The following EXPH5 variants were observed in gnomAD, a reference collection of about 807,000 sequenced individuals.
EXPH5 encodes exophilin 5.
Under a neutral mutation model 41.1 loss-of-function variants are expected in EXPH5, and 42 were observed. The ratio of observed to expected loss-of-function variants is 1.02; its 90% CI spans 0.80 to 1.32. The LOEUF (loss-of-function observed/expected upper bound fraction) is 1.32. Among genes scored for constraint, EXPH5 ranks in the 40% most tolerant of loss-of-function variants. The pLI is 0.00. For missense variants in EXPH5, 2,298 were observed against 2,314.5 expected, an observed-to-expected ratio of 0.99 and a Z score of 0.15; for synonymous variants, 798 against 833.5, an observed-to-expected ratio of 0.96 and a Z score of 0.73.
At chr11:108,572,611 T>A (rs2094064479) in intron 1 of EXPH5, among the ~76,000 whole-genome samples, 1 of 152,254 alleles carries the variant, frequency 6.6e-6, no homozygotes, top group Non-Finnish European at 1.5e-5. Context: ...CAAGCTGCAG[T>A]GCAATGGCGT....
rs2093642154 is a variant in EXPH5, at chr11:108,505,916, T to C, written c.*3621A>G. 1 of 152,200 alleles carries C rather than the reference T, an allele frequency of 6.6e-6. No individual in the cohort carries two copies. Among genetic ancestry groups the C allele is most frequent in the African/African-American group, 2.4e-5 (1 of 41,456 alleles). 9.4% of individuals were successfully genotyped at this position (152,200 alleles called of 1,614,324 possible). A position where few individuals can be genotyped will look rare whatever the true frequency, so the allele number is the denominator to read the frequency against. On this transcript the variant is annotated 3_prime_UTR_variant, in exon 6 of 6. Coordinates refer to ENST00000265843, the MANE Select transcript of EXPH5 (RefSeq NM_015065.3). ...TTATCACCAACCAAACCTTTGTTAG[T>C]AGCAGTTGGAATTTTGTTGGCATCA...
upstream of EXPH5, chr11:108,593,840 C>T: frequency 8.4e-7 from 1 of 1,185,254 alleles, no homozygotes. Flanking sequence ...CTCCCTCGTC[C>T]CCTCCCTCGT....
At chr11:108,587,365 C>G (rs2136123584) in intron 1 of EXPH5, among the ~76,000 whole-genome samples, 1 of 152,340 alleles carries the variant, frequency 6.6e-6, no homozygotes, top group East Asian at 1.9e-4. Context: ...ACCTGACTTT[C>G]TTTCGCCCTT....
intron 3 of EXPH5, chr11:108,538,049 CAAAAACAGCCTCGGGTGAAAGCTGG>C (rs2093890474): frequency 1.0e-6 from 1 of 985,262 alleles, no homozygotes; most frequent in Non-Finnish European, 1.2e-6. Context: ...TTTCATCAGA[CAAAAACAGCCTCGGGTGAAAGCTGG>C]AAGTGAAAAA....
At chr11:108,535,090 T>A (rs1244228281) in intron 3 of EXPH5, among the ~76,000 whole-genome samples, 1 of 152,116 alleles carries the variant, frequency 6.6e-6, no homozygotes, top group Non-Finnish European at 1.5e-5. Context: ...TTATCCCCCA[T>A]GCCAAAAATT....
chr11:108,602,205 A>G, the EXPH5 span, among the ~76,000 whole-genome samples: 1 of 152,128 alleles, frequency 6.6e-6, no homozygotes, highest in African/African-American at 2.4e-5. Context: ...GCAGCCATCC[A>G]TTCATTTATT....
rs537944422 is a variant in EXPH5, at chr11:108,528,324, G to A, written c.444-140C>T. On this transcript the variant is annotated intron_variant, in intron 3 of 5. Coordinates refer to ENST00000265843, the MANE Select transcript of EXPH5 (RefSeq NM_015065.3). ...ATTCACTGTAGAAAGATGTTTCTTC[G>A]TTAGTGCATTATTGAAAAAAATTAG... 418 of 596,092 alleles carry A rather than the reference G, an allele frequency of 7.0e-4. 3 individuals are homozygous for A. The highest frequency in any genetic ancestry group is 3.8e-3 in the South Asian group (164 of 43,184). 36.9% of individuals were successfully genotyped at this position (596,092 alleles called of 1,614,324 possible). A position where few individuals can be genotyped will look rare whatever the true frequency, so the allele number is the denominator to read the frequency against.
intron 1 of EXPH5, among the ~76,000 whole-genome samples, chr11:108,561,105 T>C (rs12290857): frequency 0.028 from 4,320 of 152,280 alleles, 190 homozygotes; most frequent in African/African-American, 0.094. Context: ...TACAAAATAA[T>C]TGAACTCAGT....
intron 4 of EXPH5, 24 bp downstream of exon 4, chr11:108,528,112 A>C (rs1159100909): frequency 1.2e-5 from 18 of 1,545,900 alleles, no homozygotes; most frequent in African/African-American, 1.4e-5. Context: ...TCTTAGAGTA[A>C]CCTGTAGTTA....
intron 1 of EXPH5, among the ~76,000 whole-genome samples, chr11:108,544,340 C>T (rs1038756739): frequency 1.3e-5 from 2 of 152,088 alleles, no homozygotes; most frequent in African/African-American, 2.4e-5. Context: ...CCATCCCTGA[C>T]TAATTTTTGT....
intron 1 of EXPH5, among the ~76,000 whole-genome samples, chr11:108,560,652 G>A (rs2094007561): frequency 6.6e-6 from 1 of 152,198 alleles, no homozygotes; most frequent in South Asian, 2.1e-4. Flanking sequence ...TTTGTCTGTA[G>A]ATGTAGTCAC....
chr11:108,601,750 TTTTTTA>T, the EXPH5 span, among the ~76,000 whole-genome samples: 1 of 152,192 alleles, frequency 6.6e-6, no homozygotes, highest in Non-Finnish European at 1.5e-5. Flanking sequence ...CTTTTCTTTC[TTTTTTA>T]TTTTTATTTT....
chr11:108,541,523 T>C (rs2093912831), intron 2 of EXPH5, 129 bp downstream of exon 2: 3 of 573,522 alleles, frequency 5.2e-6, no homozygotes, highest in South Asian at 2.9e-5. Flanking sequence ...TTATAAACTT[T>C]TGTGGCTTAT....
chr11:108,602,787 T>C, the EXPH5 span, among the ~76,000 whole-genome samples: 10 of 152,336 alleles, frequency 6.6e-5, no homozygotes, highest in African/African-American at 2.4e-4. Flanking sequence ...ACCCAATACT[T>C]ACTGCAAATA....
chr11:108,540,543 CAT>C (rs2093907067), intron 2 of EXPH5, among the ~76,000 whole-genome samples: 1 of 152,064 alleles, frequency 6.6e-6, no homozygotes, highest in Admixed American at 6.6e-5. Context: ...AGTATTTTTA[CAT>C]GTTTCATGAT....
chr11:108,599,398 A>G, the EXPH5 span, among the ~76,000 whole-genome samples: 1 of 152,234 alleles, frequency 6.6e-6, no homozygotes, highest in African/African-American at 2.4e-5. Flanking sequence ...TATAATCACA[A>G]TTGTGTATAT....
rs1183015410 is a variant in EXPH5 at position 108,575,164 on chromosome 11, T to C, written c.119+18254A>G. 2.6e-5 allele frequency among the ~76,000 whole-genome samples: 4 copies of C among 152,332 alleles called. No individual in the cohort carries two copies. The South Asian group carries it at 8.3e-4, about 32-fold the overall frequency. On this transcript the variant is annotated intron_variant, in intron 1 of 5. Coordinates refer to ENST00000265843, the MANE Select transcript of EXPH5 (RefSeq NM_015065.3). ...AGTAAACATATGAAAATAGTTTAAG[T>C]TCATTATAATCACAGCATTAGAAAT...
rs550637303 is a variant in EXPH5, at chr11:108,561,563, G to C, written c.120-19751C>G. 6.6e-5 allele frequency among the ~76,000 whole-genome samples: 10 copies of C among 152,294 alleles called. No individual in the cohort carries two copies. In the East Asian group the frequency reaches 1.9e-3, roughly 29 times the overall value. On this transcript the variant is annotated intron_variant, in intron 1 of 5. Transcript: ENST00000265843. ...ACTCATAGTAAAGTGGTCATGGGTAGTTCCTGTGCTTTGCCTCGTGGGATC... is the reference window on the plus strand; with the variant it reads ...ACTCATAGTAAAGTGGTCATGGGTACTTCCTGTGCTTTGCCTCGTGGGATC...
intron 1 of EXPH5, among the ~76,000 whole-genome samples, chr11:108,542,118 G>A (rs1417025911): frequency 1.3e-5 from 2 of 152,068 alleles, no homozygotes; most frequent in East Asian, 3.8e-4. Flanking sequence ...GAGCTCAAGC[G>A]ATCTGCATGC....
Sources: gnomAD v4.1 joint callset for allele counts (sites outside exome capture counted in the v4.1 genomes callset) on GRCh38, gnomAD v4.1.1 for gene constraint, MANE v1.5 for transcripts, NCBI Gene and HGNC (gene_info 2026-07-23, HGNC 2026-07-21) for gene names.